The following PTPRD variants were observed in gnomAD, a reference collection of about 807,000 sequenced individuals.
The protein encoded by PTPRD is protein tyrosine phosphatase receptor type D.
PTPRD carries 34 observed loss-of-function variants against 214.5 expected under a neutral mutation model. The observed-to-expected ratio is 0.16, with a 90% CI of 0.12 to 0.21. PTPRD has a LOEUF of 0.21. Ranked by LOEUF, PTPRD falls within the 10% of genes least tolerant of loss-of-function variation. PTPRD has a pLI of 1.00. For synonymous variants in PTPRD, 1,128 were observed against 845.7 expected (o/e 1.33, Z -5.79); for missense variants, 2,545 against 2,398.7 (o/e 1.06, Z -1.27).
chr9:9,006,132 T>G (rs1281280941), intron 11 of PTPRD, among the ~76,000 whole-genome samples: 2 of 152,020 alleles, frequency 1.3e-5, no homozygotes, highest in Non-Finnish European at 2.9e-5. Context: ...CATTGAAGAC[T>G]TCTTTCACTT....
At chr9:9,063,004 C>T (rs898292407) in intron 10 of PTPRD, among the ~76,000 whole-genome samples, 7 of 152,256 alleles carry the variant, frequency 4.6e-5, no homozygotes, top group African/African-American at 1.4e-4. Context: ...AGGGGCTAAA[C>T]ATGGTCATTC....
chr9:9,917,224 T>A (rs2081119963), intron 5 of PTPRD, among the ~76,000 whole-genome samples: 1 of 93,686 alleles, frequency 1.1e-5, no homozygotes, highest in Non-Finnish European at 2.2e-5. Context: ...AAATTGATAC[T>A]AAAAAAATTT....
intron 11 of PTPRD, among the ~76,000 whole-genome samples, chr9:8,783,714 C>A (rs770383259): frequency 2.0e-5 from 3 of 152,144 alleles, no homozygotes; most frequent in Admixed American, 6.5e-5. Flanking sequence ...CGGCTCAGTT[C>A]CGTTTCAATA....
At chr9:9,935,848 C>A (rs1228769421) in intron 5 of PTPRD, among the ~76,000 whole-genome samples, 3 of 149,240 alleles carry the variant, frequency 2.0e-5, no homozygotes, top group Non-Finnish European at 3.0e-5. Flanking sequence ...CTACAGTAAC[C>A]AAAACAGCAT....
intron 11 of PTPRD, among the ~76,000 whole-genome samples, chr9:8,736,236 C>G (rs1034275887): frequency 6.6e-6 from 1 of 152,126 alleles, no homozygotes; most frequent in Non-Finnish European, 1.5e-5. Flanking sequence ...TAATTCTTCA[C>G]GTGTTAAATA....
intron 8 of PTPRD, among the ~76,000 whole-genome samples, chr9:9,539,819 A>G (rs529314356): frequency 5.1e-4 from 77 of 151,916 alleles, no homozygotes; most frequent in Admixed American, 9.9e-4. Flanking sequence ...AACTCTAAGC[A>G]CATAAAGGTG....
chr9:10,101,238 A>G (rs1319604461), intron 3 of PTPRD, among the ~76,000 whole-genome samples: 1 of 151,616 alleles, frequency 6.6e-6, no homozygotes, highest in Non-Finnish European at 1.5e-5. Context: ...AAGTAGATTT[A>G]CTATGGGACT....
intron 43 of PTPRD, 128 bp from the exon 44 acceptor site, chr9:8,331,864 G>A: frequency 9.0e-7 from 1 of 1,105,410 alleles, no homozygotes; most frequent in Non-Finnish European, 1.2e-6. Context: ...TTAGGAACAT[G>A]TTTAAATAGA....
chr9:10,438,537 G>A (rs114755520), intron 2 of PTPRD, among the ~76,000 whole-genome samples: 1,973 of 151,454 alleles, frequency 0.013, 32 homozygotes, highest in African/African-American at 0.043. Context: ...TTTTGTTTCC[G>A]CCACTCCCAA....
chr9:8,768,380 G>A (rs963128870), intron 11 of PTPRD, among the ~76,000 whole-genome samples: 9 of 152,072 alleles, frequency 5.9e-5, no homozygotes, highest in Non-Finnish European at 1.2e-4. Flanking sequence ...GCAAAACCTT[G>A]TCTCTACAAA....
At chr9:8,931,339 G>C (rs1265148614) in intron 11 of PTPRD, among the ~76,000 whole-genome samples, 5 of 152,032 alleles carry the variant, frequency 3.3e-5, no homozygotes, top group Non-Finnish European at 5.9e-5. Flanking sequence ...TTTGGTACCA[G>C]TACCATGCTG....
intron 11 of PTPRD, among the ~76,000 whole-genome samples, chr9:8,805,940 A>G (rs2096668642): frequency 7.1e-6 from 1 of 140,950 alleles, no homozygotes; most frequent in Non-Finnish European, 1.5e-5. Context: ...GCTTGCAGTG[A>G]GCCGAGATTA....
intron 4 of PTPRD, among the ~76,000 whole-genome samples, chr9:9,949,233 T>C (rs889834144): frequency 1.3e-5 from 2 of 152,154 alleles, no homozygotes; most frequent in African/African-American, 4.8e-5. Flanking sequence ...TTCCACAAAA[T>C]GGTAGCCATT....
At chr9:8,322,576 AG>A (rs1226384919) in intron 44 of PTPRD, among the ~76,000 whole-genome samples, 1 of 152,200 alleles carries the variant, frequency 6.6e-6, no homozygotes, top group Non-Finnish European at 1.5e-5. Flanking sequence ...AGGCTGCAGA[AG>A]AAAAGTTTGA....
intron 7 of PTPRD, among the ~76,000 whole-genome samples, chr9:9,730,895 T>C (rs2098178202): frequency 6.6e-6 from 1 of 152,018 alleles, no homozygotes; most frequent in Non-Finnish European, 1.5e-5. Context: ...GCTTGAAAAT[T>C]CAAATTCTCT....
Position 8,674,456 on chromosome 9 carries a change from CAAAAAAAAAAAAAAAAAA to C in PTPRD, c.65-37630_65-37613del, listed in dbSNP as rs57588808. 1.1e-4 allele frequency among the ~76,000 whole-genome samples: 7 copies of C among 62,334 alleles called. No individual in the cohort carries two copies. In the East Asian group the frequency reaches 3.7e-3, roughly 33 times the overall value. The allele number at this position is 62,334 out of a possible 152,430, so 40.9% of individuals were successfully genotyped here. ...CTGGTGGCAGAGCAAGACGCTGTCTCAAAAAAAAAAAAAAAAAAAAAAAAAAAGCATGAAGTTAATACA... is the reference window on the plus strand; with the variant it reads ...CTGGTGGCAGAGCAAGACGCTGTCTCAAAAAAAAAGCATGAAGTTAATACA... On this transcript the variant is annotated intron_variant, in intron 12 of 45. Coordinates refer to ENST00000381196, the MANE Select transcript of PTPRD (RefSeq NM_002839.4).
intron 5 of PTPRD, among the ~76,000 whole-genome samples, chr9:9,808,744 T>A (rs2153533621): frequency 6.6e-6 from 1 of 152,222 alleles, no homozygotes; most frequent in Non-Finnish European, 1.5e-5. Flanking sequence ...AACTTTCATC[T>A]CCCTTATGAC....
intron 14 of PTPRD, among the ~76,000 whole-genome samples, chr9:8,632,564 A>C (rs2096286005): frequency 6.6e-6 from 1 of 151,926 alleles, no homozygotes; most frequent in African/African-American, 2.4e-5. Context: ...TGAGGTGCCT[A>C]ATTGGGAATG....
At chr9:10,469,482 C>T (rs961891272) in intron 2 of PTPRD, among the ~76,000 whole-genome samples, 2 of 151,978 alleles carry the variant, frequency 1.3e-5, no homozygotes, top group African/African-American at 4.8e-5. Flanking sequence ...AGATTCAGTG[C>T]AATTTCAGTC....
Sources: gnomAD v4.1 joint callset for allele counts (sites outside exome capture counted in the v4.1 genomes callset) on GRCh38, gnomAD v4.1.1 for gene constraint, MANE v1.5 for transcripts, NCBI Gene and HGNC (gene_info 2026-07-23, HGNC 2026-07-21) for gene names.